KIF16B: variants seen among roughly 807,000 people sequenced by gnomAD.
The protein encoded by KIF16B is kinesin family member 16B.
A neutral mutation model predicts 156.3 loss-of-function variants in KIF16B; 98 were observed. The observed-to-expected ratio is 0.63, with a 90% CI of 0.53 to 0.74. KIF16B has a LOEUF of 0.74. KIF16B is among the 30% of genes least tolerant of loss of function. KIF16B has a pLI of 0.00. For synonymous variants in KIF16B, 564 were observed against 583.7 expected (o/e 0.97, Z 0.49); for missense variants, 1,421 against 1,606.5 (o/e 0.88, Z 1.97).
At chr20:16,489,021 T>C (rs992439363) in intron 12 of KIF16B, among the ~76,000 whole-genome samples, 2 of 152,130 alleles carry the variant, frequency 1.3e-5, no homozygotes, top group African/African-American at 4.8e-5. Flanking sequence ...ATACAAAGAA[T>C]TGGTTACTTA....
At chr20:16,530,410 CCT>C (rs1362395813) in intron 1 of KIF16B, among the ~76,000 whole-genome samples, 4 of 152,166 alleles carry the variant, frequency 2.6e-5, no homozygotes, top group Non-Finnish European at 2.9e-5. Flanking sequence ...TCTCTTCTGC[CCT>C]CTCTGTTTGA....
At chr20:16,466,648 G>A (rs1384259854) in intron 12 of KIF16B, among the ~76,000 whole-genome samples, 1 of 152,212 alleles carries the variant, frequency 6.6e-6, no homozygotes, top group East Asian at 1.9e-4. Context: ...ACGTGGAACT[G>A]TGAGTCCATT....
rs148274374 is a variant in KIF16B, at chr20:16,429,859, C to G, written c.1422+4G>C. On this transcript the variant is annotated splice_donor_region_variant and intron_variant, in intron 13 of 25. Coordinates refer to ENST00000354981, the MANE Select transcript of KIF16B (RefSeq NM_024704.5). ...TTAGAATGTTCCACTTAATCAGTTTCTACCTTTAAATGATATAAGATGATT... is the reference window on the plus strand; with the variant it reads ...TTAGAATGTTCCACTTAATCAGTTTGTACCTTTAAATGATATAAGATGATT... The G allele has an allele frequency of 5.2e-5, 84 of 1,604,510 alleles. No homozygotes were observed. The Middle Eastern group carries it at 1.2e-3, about 22-fold the overall frequency.
At chr20:16,475,443 A>G (rs6111152) in intron 12 of KIF16B, among the ~76,000 whole-genome samples, 57,547 of 151,984 alleles carry the variant, frequency 0.38, 12,500 homozygotes, top group African/African-American at 0.6. Context: ...GATATTCTCC[A>G]CCACTTCTCA....
At chr20:16,534,950 T>G (rs915189302) in intron 1 of KIF16B, among the ~76,000 whole-genome samples, 10 of 152,188 alleles carry the variant, frequency 6.6e-5, no homozygotes, top group African/African-American at 2.2e-4. Flanking sequence ...TTCAGCTTTG[T>G]TTTTGCTTAG....
rs1306735882 is a variant in KIF16B, at chr20:16,549,133, G to A, written c.48-20693C>T. ...TATACATGTGCCATGCTGGTGCACTGCACCCACTAACTCGTCATCTAGCAT... is the reference window on the plus strand; with the variant it reads ...TATACATGTGCCATGCTGGTGCACTACACCCACTAACTCGTCATCTAGCAT... On this transcript the variant is annotated intron_variant, in intron 1 of 25. Coordinates refer to ENST00000354981, the MANE Select transcript of KIF16B (RefSeq NM_024704.5). 2.7e-5 allele frequency among the ~76,000 whole-genome samples: 4 copies of A among 148,410 alleles called. No homozygotes were observed. The East Asian group carries it at 6.0e-4, about 22-fold the overall frequency.
intron 12 of KIF16B, among the ~76,000 whole-genome samples, chr20:16,484,693 C>T (rs1005853746): frequency 1.3e-5 from 2 of 151,990 alleles, no homozygotes; most frequent in Non-Finnish European, 2.9e-5. Context: ...TTGTTCAAAC[C>T]GACTCAAAAT....
intron 17 of KIF16B, chr20:16,382,151 GA>G: frequency 7.6e-7 from 1 of 1,314,516 alleles, no homozygotes; most frequent in South Asian, 1.2e-5. Flanking sequence ...GGTGGAGAGA[GA>G]GAGAGAAAGA....
chr20:16,557,381 T>C (rs745666617), intron 1 of KIF16B, among the ~76,000 whole-genome samples: 1 of 152,074 alleles, frequency 6.6e-6, no homozygotes, highest in Non-Finnish European at 1.5e-5. Flanking sequence ...GGTTTCACCA[T>C]GTTGGCCAGG....
chr20:16,455,430 G>A (rs566647222), intron 12 of KIF16B, among the ~76,000 whole-genome samples: 44 of 152,058 alleles, frequency 2.9e-4, no homozygotes, highest in African/African-American at 1.0e-3. Context: ...GGACTGACAT[G>A]GACTCTGGTA....
At chr20:16,388,772 C>T (rs936982685) in intron 17 of KIF16B, among the ~76,000 whole-genome samples, 1 of 151,204 alleles carries the variant, frequency 6.6e-6, no homozygotes, top group African/African-American at 2.4e-5. Flanking sequence ...TCAGCTTATA[C>T]CATAAAGAAG....
intron 25 of KIF16B, among the ~76,000 whole-genome samples, chr20:16,293,993 CAAG>C (rs1318811956): frequency 6.6e-6 from 1 of 151,548 alleles, no homozygotes; most frequent in Non-Finnish European, 1.5e-5. Context: ...TTTAAAAAGT[CAAG>C]AAGAAGGAAT....
chr20:16,549,684 A>C (rs7362048), intron 1 of KIF16B, among the ~76,000 whole-genome samples: 3 of 148,674 alleles, frequency 2.0e-5, no homozygotes, highest in Non-Finnish European at 3.0e-5. Flanking sequence ...GCCCTCAGAA[A>C]TAACGCCGCA....
chr20:16,370,442 TA>T, intron 22 of KIF16B, 143 bp downstream of exon 22: 1 of 576,382 alleles, frequency 1.7e-6, no homozygotes, highest in Non-Finnish European at 2.9e-6. Flanking sequence ...TTTAAGTCCA[TA>T]TAATAGCTTG....
chr20:16,322,095 A>T (rs896788197), intron 24 of KIF16B, among the ~76,000 whole-genome samples: 1 of 152,062 alleles, frequency 6.6e-6, no homozygotes, highest in African/African-American at 2.4e-5. Context: ...CATATTTCTT[A>T]GGCCTAAGAA....
intron 3 of KIF16B, among the ~76,000 whole-genome samples, chr20:16,516,909 G>A (rs983373116): frequency 6.6e-6 from 1 of 152,214 alleles, no homozygotes; most frequent in Non-Finnish European, 1.5e-5. Flanking sequence ...CAACATTTGA[G>A]GAGTAACCTA....
At position 16,306,854 on chromosome 20, in the gene KIF16B, T is replaced by C. The variant is rs968291595; in HGVS notation, c.3795+5481A>G. Among the ~76,000 whole-genome samples, 4 of 152,202 alleles carry C rather than the reference T, an allele frequency of 2.6e-5. No individual in the cohort carries two copies. In the South Asian group the frequency reaches 6.2e-4, roughly 24 times the overall value. On this transcript the variant is annotated intron_variant, in intron 25 of 25. Transcript: ENST00000354981. ...TTTGTACCAGATTCCGTGTTGTATATGCAATCACATTTAATTCTCAGTACA... is the reference window on the plus strand; with the variant it reads ...TTTGTACCAGATTCCGTGTTGTATACGCAATCACATTTAATTCTCAGTACA...
intron 19 of KIF16B, among the ~76,000 whole-genome samples, chr20:16,377,616 C>A (rs1247382046): frequency 6.6e-6 from 1 of 151,898 alleles, no homozygotes; most frequent in Admixed American, 6.6e-5. Context: ...AGTGGTGACA[C>A]TGAGGCCCAG....
chr20:16,453,188 T>G (rs1236567051), intron 12 of KIF16B, among the ~76,000 whole-genome samples: 1 of 151,990 alleles, frequency 6.6e-6, no homozygotes, highest in Non-Finnish European at 1.5e-5. Context: ...GAGGATAACT[T>G]GAGCCTAGGA....
Sources: allele counts gnomAD v4.1 joint callset (sites outside exome capture counted in the v4.1 genomes callset), GRCh38; gene constraint gnomAD v4.1.1; transcripts MANE v1.5; gene names NCBI Gene and HGNC (gene_info 2026-07-23, HGNC 2026-07-21).